Variants in PLXDC2 observed in about 807,000 individuals in gnomAD.
PLXDC2 encodes the protein plexin domain containing 2.
PLXDC2 carries 40 observed loss-of-function variants against 68.9 expected under a neutral mutation model. The ratio of observed to expected loss-of-function variants is 0.58; its 90% CI spans 0.45 to 0.76. The LOEUF (loss-of-function observed/expected upper bound fraction) is 0.76, where lower values mean the gene tolerates loss of function less well. PLXDC2 is among the 30% of genes least tolerant of loss of function. The pLI, the probability that PLXDC2 is intolerant of heterozygous loss-of-function variation, is 0.00. For missense variants in PLXDC2, 644 were observed against 661.9 expected, an observed-to-expected ratio of 0.97 and a Z score of 0.30; for synonymous variants, 243 against 234.2, an observed-to-expected ratio of 1.04 and a Z score of -0.34.
At chr10:19,837,570 G>A (rs1263012219) in intron 1 of PLXDC2, among the ~76,000 whole-genome samples, 1 of 152,042 alleles carries the variant, frequency 6.6e-6, no homozygotes. Context: ...TGCTAAGGTG[G>A]TTACATAGTT....
intron 1 of PLXDC2, among the ~76,000 whole-genome samples, chr10:19,835,529 G>C (rs140100755): frequency 1.3e-4 from 20 of 152,316 alleles, no homozygotes; most frequent in Non-Finnish European, 2.6e-4. Context: ...GCTCAGCAGG[G>C]AGGGCTCAGA....
chr10:20,137,982 A>G (rs1487050559), intron 4 of PLXDC2, among the ~76,000 whole-genome samples: 1 of 152,222 alleles, frequency 6.6e-6, no homozygotes, highest in East Asian at 1.9e-4. Context: ...CTTAGCTGCC[A>G]GGAAAGGCTC....
chr10:20,231,597 A>T (rs1008910150), intron 12 of PLXDC2, among the ~76,000 whole-genome samples: 1 of 147,644 alleles, frequency 6.8e-6, no homozygotes, highest in African/African-American at 2.7e-5. Context: ...AGAGTAGAAA[A>T]ATAAAATAGA....
chr10:20,037,440 A>T (rs185279141), intron 2 of PLXDC2, among the ~76,000 whole-genome samples: 8 of 151,986 alleles, frequency 5.3e-5, no homozygotes, highest in Admixed American at 1.3e-4. Flanking sequence ...TGCATGTGCC[A>T]TGTTGGTGTG....
At chr10:20,043,353 T>A (rs1835717650) in intron 2 of PLXDC2, 1 of 152,170 alleles carries the variant, frequency 6.6e-6, no homozygotes, top group Admixed American at 6.5e-5. Flanking sequence ...AAACTGAAGG[T>A]GTATTTTCAC....
chr10:20,232,197 A>T (rs1835374145), intron 12 of PLXDC2, among the ~76,000 whole-genome samples: 1 of 152,178 alleles, frequency 6.6e-6, no homozygotes, highest in African/African-American at 2.4e-5. Flanking sequence ...GCCCATTAGG[A>T]TAGCTAAACA....
At chr10:20,128,227 A>G (rs1193361657) in intron 4 of PLXDC2, among the ~76,000 whole-genome samples, 2 of 152,202 alleles carry the variant, frequency 1.3e-5, no homozygotes, top group Non-Finnish European at 2.9e-5. Flanking sequence ...TGGCTGCAGC[A>G]TGTGACTCCA....
chr10:20,271,038 A>G (rs936842588), intron 13 of PLXDC2, among the ~76,000 whole-genome samples: 3 of 152,024 alleles, frequency 2.0e-5, no homozygotes, highest in African/African-American at 7.2e-5. Flanking sequence ...ACCCAAGAGA[A>G]TAAAGAGTTG....
At chr10:20,037,312 C>T (rs1205412819) in intron 2 of PLXDC2, among the ~76,000 whole-genome samples, 1 of 151,806 alleles carries the variant, frequency 6.6e-6, no homozygotes, top group Non-Finnish European at 1.5e-5. Context: ...TGGCAGTTCA[C>T]CTAACTCTGC....
At chr10:19,871,882 CAA>C (rs66537453) in intron 1 of PLXDC2, among the ~76,000 whole-genome samples, 6,394 of 122,016 alleles carry the variant, frequency 0.052, 158 homozygotes, top group Middle Eastern at 0.12. Context: ...GTGAAACTGT[CAA>C]AAAAAAAAAA....
At chr10:19,912,823 A>AT (rs1281277122) in intron 1 of PLXDC2, among the ~76,000 whole-genome samples, 1 of 152,106 alleles carries the variant, frequency 6.6e-6, no homozygotes, top group African/African-American at 2.4e-5. Context: ...TAGACAGTGG[A>AT]TTTTTCTTCT....
chr10:20,067,751 A>T (rs1589613242), intron 3 of PLXDC2, among the ~76,000 whole-genome samples: 1 of 152,280 alleles, frequency 6.6e-6, no homozygotes, highest in Non-Finnish European at 1.5e-5. Context: ...CTTCCGTGAA[A>T]CTGCTTTTCA....
intron 10 of PLXDC2, among the ~76,000 whole-genome samples, chr10:20,213,869 T>C (rs1185894422): frequency 6.6e-6 from 1 of 152,160 alleles, no homozygotes; most frequent in Non-Finnish European, 1.5e-5. Flanking sequence ...TATTTTCACC[T>C]TCTGACTTCT....
chr10:19,833,425 C>A (rs1836731612), intron 1 of PLXDC2, among the ~76,000 whole-genome samples: 1 of 152,174 alleles, frequency 6.6e-6, no homozygotes, highest in South Asian at 2.1e-4. Flanking sequence ...TATTCACAAC[C>A]CTCCCACTCA....
rs554980246 is a variant in PLXDC2, at chr10:20,082,898, CAG to C, written c.541+14661_541+14662del. Among the ~76,000 whole-genome samples, 130 of 152,058 alleles carry C rather than the reference CAG, an allele frequency of 8.5e-4. 1 individual carries two copies. The highest frequency in any genetic ancestry group is 2.7e-3 in the African/African-American group (110 of 41,456). On this transcript the variant is annotated intron_variant, in intron 4 of 13. Transcript: ENST00000377252. ...TTTAATGTATGCCTATTTAAAAAAACAGAACACCACAGGATGCAGATAAATGT... is the reference window on the plus strand; with the variant it reads ...TTTAATGTATGCCTATTTAAAAAAACAACACCACAGGATGCAGATAAATGT...
chr10:19,850,361 C>T (rs991978209), intron 1 of PLXDC2, among the ~76,000 whole-genome samples: 1 of 151,564 alleles, frequency 6.6e-6, no homozygotes, highest in Non-Finnish European at 1.5e-5. Flanking sequence ...TTTTCAGTAC[C>T]TAATAATAAT....
At chr10:20,032,677 G>C (rs1564289526) in intron 2 of PLXDC2, among the ~76,000 whole-genome samples, 1 of 152,020 alleles carries the variant, frequency 6.6e-6, no homozygotes, top group African/African-American at 2.4e-5. Context: ...TGACTCTGGA[G>C]TTTGTATGTG....
At position 20,245,472 on chromosome 10, in the gene PLXDC2, C is replaced by A. The variant is rs1454664783; in HGVS notation, c.1440C>A (p.His480Gln). The change falls in exon 13 of 14, where the codon CAC (histidine) becomes CAA (glutamine). Residue 480 changes from histidine (H) to glutamine (Q), a missense_variant. Around this residue, in one of 3 missense-constraint regions of PLXDC2, gnomAD observed 330 missense variants for 327.9 expected, o/e 1.01. Transcript: ENST00000377252. The stretch of plus-strand genomic sequence containing the variant: ...TTGTGACAGTCTATATGTATCACCA[C>A]CCAACATCAGCAGCCAGCATCTTCT... ...AILVTVYMYH[H>Q]PTSAASIFFI... The A allele has an allele frequency of 1.2e-6, 2 of 1,612,596 alleles. No individual in the cohort carries two copies. The highest frequency in any genetic ancestry group is 1.7e-6 in the Non-Finnish European group (2 of 1,179,728).
intron 1 of PLXDC2, among the ~76,000 whole-genome samples, chr10:19,859,152 T>A (rs1427518945): frequency 6.6e-6 from 1 of 152,062 alleles, no homozygotes; most frequent in South Asian, 2.1e-4. Flanking sequence ...AAGGCATCCA[T>A]GAGGGATCTG....
Sources: allele counts gnomAD v4.1 joint callset (sites outside exome capture counted in the v4.1 genomes callset), GRCh38; gene constraint gnomAD v4.1.1; regional missense constraint gnomAD v4.1.1; transcripts MANE v1.5; gene names NCBI Gene and HGNC (gene_info 2026-07-23, HGNC 2026-07-21).